Variants in TEX36 observed in about 807,000 individuals in gnomAD.
TEX36 encodes testis-expressed protein 36.
A neutral mutation model predicts 13.6 loss-of-function variants in TEX36; 12 were observed. That is an observed-to-expected ratio of 0.88 (90% CI 0.56 to 1.43). TEX36 has a LOEUF of 1.43. TEX36 is among the 40% of genes most tolerant of loss of function. TEX36 has a pLI of 0.00. For synonymous variants in TEX36, 93 were observed against 83.0 expected, an observed-to-expected ratio of 1.12 and a Z score of -0.65; for missense variants, 224 against 228.3, an observed-to-expected ratio of 0.98 and a Z score of 0.12.
At chr10:125,577,792 A>C (rs565082312) in intron 3 of TEX36, among the ~76,000 whole-genome samples, 1 of 152,176 alleles carries the variant, frequency 6.6e-6, no homozygotes, top group African/African-American at 2.4e-5. Flanking sequence ...TGCACAATCC[A>C]CTTCCTTTCC....
chr10:125,609,779 G>T (rs950955418), intron 3 of TEX36, among the ~76,000 whole-genome samples: 3 of 152,158 alleles, frequency 2.0e-5, no homozygotes, highest in Non-Finnish European at 4.4e-5. Flanking sequence ...TTGATCATTT[G>T]GTTTCTCCTG....
intron 3 of TEX36, among the ~76,000 whole-genome samples, chr10:125,612,586 T>A (rs1036261922): frequency 6.6e-6 from 1 of 152,182 alleles, no homozygotes; most frequent in African/African-American, 2.4e-5. Context: ...CTATCCAGTC[T>A]TTTTGTGAGT....
chr10:125,632,773 G>C (rs1033978448), intron 3 of TEX36, among the ~76,000 whole-genome samples: 3 of 152,114 alleles, frequency 2.0e-5, no homozygotes, highest in South Asian at 4.2e-4. Context: ...CCTCCCAATG[G>C]ACAGCCAGGT....
chr10:125,587,621 T>C (rs1157716771), intron 3 of TEX36, among the ~76,000 whole-genome samples: 1 of 151,940 alleles, frequency 6.6e-6, no homozygotes, highest in East Asian at 1.9e-4. Flanking sequence ...AGCACATCTC[T>C]ACTAAAAATA....
chr10:125,643,762 C>CA (rs1417725917), intron 3 of TEX36, among the ~76,000 whole-genome samples: 1 of 149,980 alleles, frequency 6.7e-6, no homozygotes, highest in Non-Finnish European at 1.5e-5. Context: ...AAAAAAAATA[C>CA]AAAAATTAGC....
In TEX36 at chr10:125,576,785, T is replaced by C. The variant is rs888979058; in HGVS notation, c.354A>G (p.Pro118=). The C allele has an allele frequency of 1.5e-4, 225 of 1,535,758 alleles. 1 individual carries two copies. The Admixed American group carries it at 4.4e-3, about 30-fold the overall frequency. Reference sequence around the variant, plus strand: ...GGAGGGGTGCATTAGTTCTCAGGCCTGGATGAGGAATGGACTGGGTCCTCA... The same window carrying C: ...GGAGGGGTGCATTAGTTCTCAGGCCCGGATGAGGAATGGACTGGGTCCTCA... Residue 118 remains proline, a synonymous_variant, in exon 4 of 4, where the codon CCA becomes CCG. Coordinates refer to the TEX36 transcript ENST00000532135.
At chr10:125,677,768 G>A (rs1453651775) in intron 1 of TEX36, among the ~76,000 whole-genome samples, 13 of 151,956 alleles carry the variant, frequency 8.6e-5, no homozygotes, top group Admixed American at 4.6e-4. Context: ...TGCAACCTCC[G>A]CCACCCAGAC....
At chr10:125,643,183 G>A (rs560107495) in intron 3 of TEX36, among the ~76,000 whole-genome samples, 2 of 152,356 alleles carry the variant, frequency 1.3e-5, no homozygotes, top group Admixed American at 1.3e-4. Context: ...CAGGAGGGCA[G>A]GGCAGTGTCC....
intron 3 of TEX36, among the ~76,000 whole-genome samples, chr10:125,594,898 A>C (rs1435007894): frequency 6.6e-6 from 1 of 152,208 alleles, no homozygotes; most frequent in Non-Finnish European, 1.5e-5. Flanking sequence ...CAGAACCAAC[A>C]TTTGTTTTGT....
intron 3 of TEX36, among the ~76,000 whole-genome samples, chr10:125,589,797 G>A (rs1846000665): frequency 6.6e-6 from 1 of 151,840 alleles, no homozygotes; most frequent in African/African-American, 2.4e-5. Context: ...TTTTCATTTG[G>A]TCAGAATTCA....
intron 1 of TEX36, among the ~76,000 whole-genome samples, chr10:125,665,348 G>C: frequency 6.6e-6 from 1 of 151,914 alleles, no homozygotes; most frequent in African/African-American, 2.4e-5. Context: ...GTTTTCTCTA[G>C]GTTTTCTTCT....
chr10:125,618,451 T>C (rs1048675438), downstream of TEX36, among the ~76,000 whole-genome samples: 3 of 152,138 alleles, frequency 2.0e-5, no homozygotes, highest in East Asian at 5.8e-4. Context: ...ATGGTGATGT[T>C]CAGATGGGTT....
chr10:125,655,096 A>C (rs1386615020), downstream of TEX36, among the ~76,000 whole-genome samples: 1 of 152,242 alleles, frequency 6.6e-6, no homozygotes, highest in African/African-American at 2.4e-5. Flanking sequence ...TTAAAAAATC[A>C]GTCTATTCTT....
chr10:125,661,255 G>C lies in TEX36; in HGVS notation c.184-154C>G, dbSNP rs7073875. 4.8e-3 allele frequency among the ~76,000 whole-genome samples: 733 copies of C among 152,296 alleles called. 6 individuals carry two copies. Among genetic ancestry groups the C allele is most frequent in the African/African-American group, 0.017 (702 of 41,562 alleles). On this transcript the variant is annotated intron_variant, in intron 2 of 3. Transcript: ENST00000368821. ...CCCCAGAGATGGAGCAGACACAGGAGGGGGAGGATATCCACGTGCTCATCA... is the reference window on the plus strand; with the variant it reads ...CCCCAGAGATGGAGCAGACACAGGACGGGGAGGATATCCACGTGCTCATCA...
downstream of TEX36, among the ~76,000 whole-genome samples, chr10:125,618,225 G>A (rs1349880357): frequency 1.3e-5 from 2 of 152,102 alleles, no homozygotes; most frequent in African/African-American, 4.8e-5. Flanking sequence ...CTTTGCCTTT[G>A]GTTTGAATTT....
intron 3 of TEX36, among the ~76,000 whole-genome samples, chr10:125,629,348 G>A (rs1026318292): frequency 6.6e-6 from 1 of 152,296 alleles, no homozygotes; most frequent in South Asian, 2.1e-4. Context: ...TGAAGAAATT[G>A]AGGCGACTTC....
chr10:125,625,326 C>A (rs1340330708), intron 3 of TEX36, among the ~76,000 whole-genome samples: 1 of 152,176 alleles, frequency 6.6e-6, no homozygotes, highest in Non-Finnish European at 1.5e-5. Context: ...GCACCCCCCA[C>A]CAAATCCACA....
chr10:125,596,991 T>C (rs1846087713), intron 3 of TEX36, among the ~76,000 whole-genome samples: 1 of 152,210 alleles, frequency 6.6e-6, no homozygotes, highest in African/African-American at 2.4e-5. Context: ...TGGGATGACA[T>C]GAGATGCCCT....
chr10:125,609,266 CTA>C (rs1313656857), intron 3 of TEX36, among the ~76,000 whole-genome samples: 4 of 151,978 alleles, frequency 2.6e-5, no homozygotes, highest in African/African-American at 9.7e-5. Context: ...GTTGGTGGCC[CTA>C]TGTTTTGTTT....
Sources: allele counts gnomAD v4.1 joint callset (sites outside exome capture counted in the v4.1 genomes callset), GRCh38; gene constraint gnomAD v4.1.1; transcripts MANE v1.5; gene names NCBI Gene and HGNC (gene_info 2026-07-23, HGNC 2026-07-21).